Variants in CENPF observed in about 807,000 individuals in gnomAD.
CENPF encodes AH antigen.
A neutral mutation model predicts 307.3 loss-of-function variants in CENPF; 214 were observed. The ratio of observed to expected loss-of-function variants is 0.70; its 90% CI spans 0.62 to 0.78. CENPF has a LOEUF of 0.78. CENPF is among the 30% of genes least tolerant of loss of function. The pLI, the probability that CENPF is intolerant of heterozygous loss-of-function variation, is 0.00. For synonymous variants in CENPF, 1,259 were observed against 1,270.6 expected (o/e 0.99, Z 0.19); for missense variants, 3,401 against 3,483.9 (o/e 0.98, Z 0.60).
At position 214,646,406 on chromosome 1, in the gene CENPF, A is replaced by C. The variant is rs565490179; in HGVS notation, c.6836A>C (p.Gln2279Pro). ...GCAGTAGCAGCCTTGTGTGGTGACCAAGAAATTATGAAGGCCACAGAACAG... is the reference window on the plus strand; with the variant it reads ...GCAGTAGCAGCCTTGTGTGGTGACCCAGAAATTATGAAGGCCACAGAACAG... ...NEAVAALCGD[Q>P]EIMKATEQSL... Residue 2279 changes from glutamine to proline, a missense_variant, in exon 13 of 20, where the codon CAA (glutamine) becomes CCA (proline). Physicochemically the swap from Gln to Pro is moderately conservative, Grantham distance 76. Coordinates refer to ENST00000366955, the MANE Select transcript of CENPF (RefSeq NM_016343.4). The C allele has an allele frequency of 5.0e-6, 8 of 1,614,180 alleles. No individual in the cohort carries two copies. In the East Asian group the frequency reaches 1.3e-4, roughly 27 times the overall value.
In CENPF at chr1:214,655,309, G is replaced by C. The variant is rs754562740; in HGVS notation, c.8391G>C (p.Leu2797Phe). ...ENERAQGKMK[L>F]LIKSCKQLEE... Reference sequence around the variant, plus strand: ...AACGTGCCCAGGGGAAAATGAAGTTGTTGATCAAATCCTGTAAACAGCTGG... The same window carrying C: ...AACGTGCCCAGGGGAAAATGAAGTTCTTGATCAAATCCTGTAAACAGCTGG... The change falls in exon 17 of 20, where the codon TTG becomes TTC. Residue 2797 changes from leucine to phenylalanine, a missense_variant. Coordinates refer to ENST00000366955, the MANE Select transcript of CENPF (RefSeq NM_016343.4). 28 of 1,609,308 alleles carry C rather than the reference G, an allele frequency of 1.7e-5. No homozygotes were observed. The highest frequency in any genetic ancestry group is 2.4e-5 in the Non-Finnish European group (28 of 1,177,632).
At position 214,640,917 on chromosome 1, in the gene CENPF, A is replaced by G. The variant is rs535434649; in HGVS notation, c.2579A>G (p.Lys860Arg). The change falls in exon 12 of 20, where the codon AAA becomes AGA. Residue 860 changes from lysine (K) to arginine (R), a missense_variant. Transcript: ENST00000366955. The part of the protein sequence containing the change: ...QKQCEELVQI[K>R]GEIEENLMKA... ...CAGTGTGAAGAGTTGGTGCAAATCAAAGGAGAAATAGAAGAAAATCTCATG... is the reference window on the plus strand; with the variant it reads ...CAGTGTGAAGAGTTGGTGCAAATCAGAGGAGAAATAGAAGAAAATCTCATG... 1.0e-5 allele frequency: 16 copies of G among 1,608,012 alleles called. No homozygotes were observed. The Admixed American group carries it at 2.6e-4, about 26-fold the overall frequency.
intron 5 of CENPF, among the ~76,000 whole-genome samples, chr1:214,619,619 A>G (rs1657452248): frequency 1.3e-5 from 2 of 151,996 alleles, no homozygotes; most frequent in Admixed American, 6.6e-5. Context: ...TACCTCTACC[A>G]TTTTTGTTCA....
rs765137709 is a variant in CENPF, at chr1:214,614,951, G to T, written c.282G>T (p.Glu94Asp). 3.5e-5 allele frequency: 57 copies of T among 1,611,442 alleles called. No individual in the cohort carries two copies. Among genetic ancestry groups the T allele is most frequent in the Admixed American group, 1.0e-4 (6 of 59,598 alleles). The change falls in exon 3 of 20, where the codon GAG becomes GAT. Residue 94 changes from glutamate to aspartate, a missense_variant. By Grantham distance (45) the Glu-to-Asp change is conservative. Transcript: ENST00000366955. ...QKISHELQVKESQVNFQEGQL... is the reference protein window; with the variant it reads ...QKISHELQVKDSQVNFQEGQL... ...TTTCTCATGAACTTCAAGTCAAGGA[G>T]TCACAAGTGAATTTCCAGGAAGGAC...
rs377444877 is a variant in CENPF at position 214,620,847 on chromosome 1, C to T, written c.766C>T (p.Arg256Ter). The change falls in exon 6 of 20, where the codon CGA becomes TGA. Residue 256 changes from arginine (R) to a stop codon, truncating the protein, a stop_gained. Coordinates refer to ENST00000366955, the MANE Select transcript of CENPF (RefSeq NM_016343.4). LOFTEE classifies it high-confidence loss of function. Reference sequence around the variant, plus strand: ...TGGGGAACAAGAGGTGACTCCAAGTCGATCAACTTTGCAAATAGGGAAAAG... The same window carrying T: ...TGGGGAACAAGAGGTGACTCCAAGTTGATCAACTTTGCAAATAGGGAAAAG... ...FSGEQEVTPS[R>*]STLQIGKRDA... is the part of the protein sequence containing the mutation. The T allele has an allele frequency of 8.1e-6, 13 of 1,614,014 alleles. No homozygotes were observed. Among genetic ancestry groups the T allele is most frequent in the South Asian group, 3.3e-5 (3 of 91,076 alleles).
intron 11 of CENPF, among the ~76,000 whole-genome samples, chr1:214,638,667 AC>A (rs1362770509): frequency 6.6e-6 from 1 of 151,564 alleles, no homozygotes; most frequent in Non-Finnish European, 1.5e-5. Context: ...TTTTTTTAAA[AC>A]CCCAATCTTG....
chr1:214,615,051 A>C, intron 3 of CENPF, 23 bp downstream of exon 3: 1 of 1,497,648 alleles, frequency 6.7e-7, no homozygotes, highest in Non-Finnish European at 9.1e-7. Flanking sequence ...GATGGTATTT[A>C]TAGGGATGAT....
Position 214,641,387 on chromosome 1 carries a change from C to T in CENPF, c.3049C>T (p.Gln1017Ter). The change falls in exon 12 of 20, where the codon CAG becomes TAG. Residue 1017 changes from glutamine (Q) to a stop codon, truncating the protein, a stop_gained. Transcript: ENST00000366955. LOFTEE classifies it high-confidence loss of function. ...REKSISELSD[Q>*]YKQEKLILLQ... is the part of the protein sequence containing the mutation. ...GAAAAGCATTTCAGAGTTATCTGAT[C>T]AGTACAAGCAAGAAAAACTTATTTT... 1 of 1,583,864 alleles carries T rather than the reference C, an allele frequency of 6.3e-7. No individual in the cohort carries two copies. Among genetic ancestry groups the T allele is most frequent in the Non-Finnish European group, 8.5e-7 (1 of 1,172,456 alleles).
chr1:214,603,378 G>A (rs1656937984), intron 1 of CENPF, 57 bp downstream of exon 1: 1 of 153,384 alleles, frequency 6.5e-6, no homozygotes, highest in Non-Finnish European at 1.5e-5. Flanking sequence ...TAGGCGGCGG[G>A]CGGCGTGGGG....
chr1:214,647,707 T>G (rs1658351363), intron 13 of CENPF, among the ~76,000 whole-genome samples: 1 of 152,172 alleles, frequency 6.6e-6, no homozygotes, highest in Non-Finnish European at 1.5e-5. Context: ...TATTTCCTTT[T>G]CTTAGAGTAC....
intron 1 of CENPF, chr1:214,608,891 C>A (rs1657117332): frequency 1.4e-6 from 2 of 1,416,428 alleles, no homozygotes; most frequent in Non-Finnish European, 1.8e-6. Context: ...CCAACAACGC[C>A]GCCCGGCCTG....
chr1:214,608,874 GC>G, intron 1 of CENPF: 1 of 1,472,904 alleles, frequency 6.8e-7, no homozygotes. Flanking sequence ...CCCCACCGGG[GC>G]CCCAGCCAAC....
At chr1:214,620,043 C>CAAAA (rs74945063) in intron 5 of CENPF, among the ~76,000 whole-genome samples, 1 of 151,584 alleles carries the variant, frequency 6.6e-6, no homozygotes, top group Non-Finnish European at 1.5e-5. Context: ...CTTCCTATGG[C>CAAAA]AAAAAAAAGT....
intron 19 of CENPF, among the ~76,000 whole-genome samples, chr1:214,661,898 T>C (rs1048597818): frequency 1.3e-5 from 2 of 152,072 alleles, no homozygotes; most frequent in Admixed American, 6.6e-5. Context: ...CTCCCCTGTG[T>C]TATTCTAGGA....
intron 15 of CENPF, among the ~76,000 whole-genome samples, 171 bp from the exon 16 acceptor site, chr1:214,652,657 A>G (rs902921548): frequency 6.6e-6 from 1 of 151,490 alleles, no homozygotes; most frequent in Non-Finnish European, 1.5e-5. Context: ...GTTGGCCAGG[A>G]TGGCCTTGAA....
intron 1 of CENPF, among the ~76,000 whole-genome samples, chr1:214,610,667 T>C (rs1028389297): frequency 2.0e-5 from 3 of 152,220 alleles, no homozygotes; most frequent in Non-Finnish European, 2.9e-5. Flanking sequence ...TCTTTTGCTG[T>C]GCAGAAGCTC....
chr1:214,615,663 G>T (rs1253518649), intron 3 of CENPF, among the ~76,000 whole-genome samples: 2 of 152,160 alleles, frequency 1.3e-5, no homozygotes, highest in Admixed American at 1.3e-4. Context: ...TTTTGGCTGG[G>T]CTAGGTGGCT....
intron 8 of CENPF, among the ~76,000 whole-genome samples, chr1:214,629,629 G>A (rs1049886328): frequency 1.3e-5 from 2 of 151,732 alleles, no homozygotes; most frequent in Non-Finnish European, 2.9e-5. Context: ...TTGGCTCCCT[G>A]CAACCTCCAC....
intron 14 of CENPF, among the ~76,000 whole-genome samples, chr1:214,650,462 G>T (rs373422250): frequency 6.6e-6 from 1 of 152,172 alleles, no homozygotes; most frequent in African/African-American, 2.4e-5. Context: ...AAGAGAAGGC[G>T]GCTCAGGGCC....
Sources: gnomAD v4.1 joint callset for allele counts (sites outside exome capture counted in the v4.1 genomes callset) on GRCh38, gnomAD v4.1.1 for gene constraint, MANE v1.5 for transcripts, NCBI Gene and HGNC (gene_info 2026-07-23, HGNC 2026-07-21) for gene names.